TMEFF2: variants seen among roughly 807,000 people sequenced by gnomAD.
TMEFF2 encodes tomoregulin-2.
A neutral mutation model predicts 53.8 loss-of-function variants in TMEFF2; 28 were observed. The ratio of observed to expected loss-of-function variants is 0.52; its 90% CI spans 0.39 to 0.71. TMEFF2 has a LOEUF of 0.71. Among genes scored for constraint, TMEFF2 ranks in the 30% least tolerant of loss-of-function variants. TMEFF2 has a pLI of 0.00. For synonymous variants in TMEFF2, 162 were observed against 166.3 expected (o/e 0.97, Z 0.20); for missense variants, 353 against 455.2 (o/e 0.78, Z 2.04).
chr2:191,998,407 T>C, intron 6 of TMEFF2, 86 bp from the exon 7 acceptor site: 1 of 962,228 alleles, frequency 1.0e-6, no homozygotes, highest in Non-Finnish European at 1.5e-6. Flanking sequence ...CAACAATATC[T>C]TCATTGCAAT....
chr2:192,143,587 T>C (rs1690185962), intron 4 of TMEFF2, among the ~76,000 whole-genome samples: 1 of 152,124 alleles, frequency 6.6e-6, no homozygotes, highest in Non-Finnish European at 1.5e-5. Flanking sequence ...TATTTATTCA[T>C]TTTTTTAATA....
chr2:192,026,379 T>A (rs1686970934), intron 5 of TMEFF2, among the ~76,000 whole-genome samples: 1 of 152,164 alleles, frequency 6.6e-6, no homozygotes, highest in African/African-American at 2.4e-5. Context: ...CCTGCTGTAA[T>A]AGACGACTGT....
intron 5 of TMEFF2, among the ~76,000 whole-genome samples, chr2:192,047,555 T>C (rs1687654202): frequency 6.6e-6 from 1 of 152,192 alleles, no homozygotes; most frequent in Admixed American, 6.5e-5. Context: ...CTGTCCCAAA[T>C]GCATTGTCCT....
chr2:191,960,915 C>T (rs533167644), intron 7 of TMEFF2, among the ~76,000 whole-genome samples: 4 of 152,078 alleles, frequency 2.6e-5, no homozygotes, highest in South Asian at 2.1e-4. Flanking sequence ...TAATGTATAT[C>T]GGTTAGATTA....
chr2:192,086,885 T>G (rs920746960), intron 4 of TMEFF2, among the ~76,000 whole-genome samples: 1 of 152,066 alleles, frequency 6.6e-6, no homozygotes. Flanking sequence ...TTTTGACTTA[T>G]GTATAATAAA....
At chr2:192,064,010 G>C (rs940340028) in intron 4 of TMEFF2, among the ~76,000 whole-genome samples, 2 of 151,590 alleles carry the variant, frequency 1.3e-5, no homozygotes, top group African/African-American at 4.8e-5. Context: ...TTTAATCAGC[G>C]TGTTTAGTCC....
chr2:191,979,857 G>GATCTATCTATCTATCTATCT (rs535953153), intron 7 of TMEFF2, among the ~76,000 whole-genome samples: 339 of 150,720 alleles, frequency 2.2e-3, no homozygotes, highest in African/African-American at 7.9e-3. Flanking sequence ...TCTATCTATC[G>GATCTATCTATCTATCTATCT]ATCTATCTAT....
intron 5 of TMEFF2, among the ~76,000 whole-genome samples, chr2:192,023,333 TTG>T (rs1431223765): frequency 2.0e-5 from 3 of 152,184 alleles, no homozygotes; most frequent in South Asian, 2.1e-4. Flanking sequence ...CATTTTTTTC[TTG>T]TGGGAACTAC....
intron 5 of TMEFF2, among the ~76,000 whole-genome samples, chr2:192,010,707 ATAT>A (rs1686606596): frequency 6.6e-6 from 1 of 152,224 alleles, no homozygotes; most frequent in African/African-American, 2.4e-5. Context: ...AGGAAAACAA[ATAT>A]TCATAAAACA....
At chr2:191,997,388 A>C (rs1202097442) in intron 7 of TMEFF2, among the ~76,000 whole-genome samples, 2 of 151,856 alleles carry the variant, frequency 1.3e-5, no homozygotes, top group Non-Finnish European at 2.9e-5. Context: ...GATGTTAAAG[A>C]AAATGAAATT....
intron 8 of TMEFF2, among the ~76,000 whole-genome samples, chr2:191,955,131 T>TG (rs1692027462): frequency 1.1e-4 from 1 of 9,218 alleles, no homozygotes; most frequent in Non-Finnish European, 1.9e-4. Flanking sequence ...CAGCTCTAGG[T>TG]GGGGGGCGGG....
At chr2:192,132,931 A>G (rs1225532356) in intron 4 of TMEFF2, among the ~76,000 whole-genome samples, 3 of 152,136 alleles carry the variant, frequency 2.0e-5, no homozygotes, top group African/African-American at 2.4e-5. Context: ...AGACCATCAC[A>G]AACGCCAAGC....
intron 9 of TMEFF2, among the ~76,000 whole-genome samples, chr2:191,952,508 C>T (rs1017463009): frequency 1.3e-5 from 2 of 151,858 alleles, no homozygotes; most frequent in African/African-American, 2.4e-5. Flanking sequence ...TTTTTGGTTT[C>T]TTGTAATCCT....
rs1258473625 is a variant in TMEFF2, at chr2:192,075,302, T to TAAATATATATATAA, written c.440-17528_440-17527insTTATATATATATTT. The stretch of plus-strand genomic sequence containing the variant: ...CAGTACTATTATATATATATATATA[T>TAAATATATATATAA]ATATATATATATATATATATATATA... On this transcript the variant is annotated intron_variant, in intron 4 of 9. Coordinates refer to ENST00000272771, the MANE Select transcript of TMEFF2 (RefSeq NM_016192.4). Among the ~76,000 whole-genome samples, 6 of 38,090 alleles carry TAAATATATATATAA rather than the reference T, an allele frequency of 1.6e-4. 1 individual carries two copies. Among genetic ancestry groups the TAAATATATATATAA allele is most frequent in the East Asian group, 1.6e-3 (3 of 1,910 alleles). 25.0% of individuals were successfully genotyped at this position (38,090 alleles called of 152,430 possible).
At chr2:192,093,086 T>C (rs1236356795) in intron 4 of TMEFF2, among the ~76,000 whole-genome samples, 1 of 152,178 alleles carries the variant, frequency 6.6e-6, no homozygotes, top group African/African-American at 2.4e-5. Flanking sequence ...CTGGCCTTTG[T>C]TGGGCAGATG....
chr2:191,953,623 TAA>T lies in TMEFF2; in HGVS notation c.1028+54_1028+55del, dbSNP rs569878546. 3.1e-3 allele frequency: 4,942 copies of T among 1,580,300 alleles called. 11 individuals are homozygous for T. The highest frequency in any genetic ancestry group is 4.3e-3 in the Admixed American group (245 of 57,546). On this transcript the variant is annotated intron_variant, in intron 9 of 9. Transcript: ENST00000272771. The stretch of plus-strand genomic sequence containing the variant: ...CTCACCTCGGAGGGATCTGATTAAA[TAA>T]AAGAGTAACAATATATCCCTTTATT...
chr2:191,983,096 A>T (rs1317224494), intron 7 of TMEFF2, among the ~76,000 whole-genome samples: 8 of 152,306 alleles, frequency 5.3e-5, no homozygotes, highest in African/African-American at 1.9e-4. Context: ...AAAACATCCT[A>T]CACTCTAATG....
chr2:192,159,846 A>G (rs1690591213), intron 4 of TMEFF2, among the ~76,000 whole-genome samples: 1 of 152,172 alleles, frequency 6.6e-6, no homozygotes, highest in African/African-American at 2.4e-5. Flanking sequence ...ATGTTGATCA[A>G]GAAATAAAAG....
At chr2:192,012,142 A>T (rs1364029946) in intron 5 of TMEFF2, among the ~76,000 whole-genome samples, 1 of 152,144 alleles carries the variant, frequency 6.6e-6, no homozygotes, top group African/African-American at 2.4e-5. Context: ...TGACCTCGTG[A>T]TCCACCCGCC....
Sources: gnomAD v4.1 joint callset for allele counts (sites outside exome capture counted in the v4.1 genomes callset) on GRCh38, gnomAD v4.1.1 for gene constraint, MANE v1.5 for transcripts, NCBI Gene and HGNC (gene_info 2026-07-23, HGNC 2026-07-21) for gene names.